UTRN: variants seen among roughly 807,000 people sequenced by gnomAD.
UTRN encodes the protein utrophin, also known as dystrophin-related protein 1.
A neutral mutation model predicts 463.9 loss-of-function variants in UTRN; 283 were observed. That is an observed-to-expected ratio of 0.61 (90% CI 0.55 to 0.67). The LOEUF is 0.67. Ranked by LOEUF, UTRN falls within the 30% of genes least tolerant of loss-of-function variation. The pLI is 0.00. For synonymous variants in UTRN, 1,442 were observed against 1,431.5 expected (o/e 1.01, Z -0.17); for missense variants, 3,922 against 4,084.3 (o/e 0.96, Z 1.08).
At chr6:144,453,908 G>A (rs1414756081) in intron 19 of UTRN, 39 bp downstream of exon 19, 1 of 1,561,656 alleles carries the variant, frequency 6.4e-7, no homozygotes. Context: ...TTTTTCAGAT[G>A]GTGGCATCGA....
intron 65 of UTRN, among the ~76,000 whole-genome samples, chr6:144,805,359 G>A (rs1007820677): frequency 2.0e-5 from 3 of 152,200 alleles, no homozygotes; most frequent in African/African-American, 2.4e-5. Flanking sequence ...AATGGATAAT[G>A]AGATAGAATG....
At chr6:144,680,313 G>T (rs2128684917) in intron 52 of UTRN, among the ~76,000 whole-genome samples, 1 of 152,192 alleles carries the variant, frequency 6.6e-6, no homozygotes, top group Non-Finnish European at 1.5e-5. Flanking sequence ...GGGAGTTATT[G>T]CCTAAGCCTA....
At position 144,453,750 on chromosome 6, in the gene UTRN, G is replaced by T. The variant is rs377670913; in HGVS notation, c.2197-32G>T. On this transcript the variant is annotated intron_variant, in intron 18 of 74. Coordinates refer to ENST00000367545, the MANE Select transcript of UTRN (RefSeq NM_007124.3). ...CAACATTATATTGAGAAGAAAGTTTGCAATATTCTTATGTTGGGACTTCAT... is the reference window on the plus strand; with the variant it reads ...CAACATTATATTGAGAAGAAAGTTTTCAATATTCTTATGTTGGGACTTCAT... 22 of 1,578,838 alleles carry T rather than the reference G, an allele frequency of 1.4e-5. No individual in the cohort carries two copies. In the East Asian group the frequency reaches 4.7e-4, roughly 34 times the overall value.
chr6:144,561,183 G>T (rs1315506030), intron 50 of UTRN, among the ~76,000 whole-genome samples: 2 of 114,668 alleles, frequency 1.7e-5, no homozygotes, highest in African/African-American at 6.4e-5. Flanking sequence ...ATATATTTTG[G>T]CACTCCAGGG....
intron 53 of UTRN, among the ~76,000 whole-genome samples, chr6:144,712,639 A>G (rs1785855619): frequency 6.6e-6 from 1 of 152,168 alleles, no homozygotes; most frequent in Non-Finnish European, 1.5e-5. Context: ...TTGTAAGACT[A>G]TTTTTGCAAT....
chr6:144,357,223 C>T lies in UTRN; in HGVS notation c.80-45900C>T, dbSNP rs922815738. Among the ~76,000 whole-genome samples, 5 of 152,256 alleles carry T rather than the reference C, an allele frequency of 3.3e-5. No individual in the cohort carries two copies. The South Asian group carries it at 1.0e-3, about 32-fold the overall frequency. Reference sequence around the variant, plus strand: ...ATAGCCTGCTTTTAGTTGATAGTGGCTCAGCAAGGGTAGGAGCCTGTACTT... The same window carrying T: ...ATAGCCTGCTTTTAGTTGATAGTGGTTCAGCAAGGGTAGGAGCCTGTACTT... On this transcript the variant is annotated intron_variant, in intron 2 of 74. Coordinates refer to ENST00000367545, the MANE Select transcript of UTRN (RefSeq NM_007124.3).
chr6:144,449,838 AC>A (rs1788075475), intron 17 of UTRN, among the ~76,000 whole-genome samples: 1 of 152,052 alleles, frequency 6.6e-6, no homozygotes, highest in African/African-American at 2.4e-5. Context: ...TCCCAGCCTC[AC>A]CCTTTGTTAG....
intron 58 of UTRN, among the ~76,000 whole-genome samples, chr6:144,759,008 T>C (rs2128726753): frequency 6.6e-6 from 1 of 152,222 alleles, no homozygotes; most frequent in South Asian, 2.1e-4. Flanking sequence ...CCTGAAAACG[T>C]TGTGTGAAGT....
chr6:144,484,782 C>T (rs1397928852), intron 27 of UTRN, among the ~76,000 whole-genome samples: 1 of 152,002 alleles, frequency 6.6e-6, no homozygotes, highest in African/African-American at 2.4e-5. Flanking sequence ...TCCTGTTTTT[C>T]TTACTAATTA....
At chr6:144,487,832 G>T in intron 29 of UTRN, 135 bp downstream of exon 29, 2 of 732,762 alleles carry the variant, frequency 2.7e-6, no homozygotes, top group Non-Finnish European at 4.2e-6. Flanking sequence ...GCTAACAGGG[G>T]CATTGAGGGT....
intron 66 of UTRN, among the ~76,000 whole-genome samples, chr6:144,824,472 A>ATACACATATACAATAAATATGTATATATT (rs1554407831): frequency 1.6e-5 from 1 of 63,886 alleles, no homozygotes; most frequent in Non-Finnish European, 2.4e-5. Flanking sequence ...ATGTATATAT[A>ATACACATATACAATAAATATGTATATATT]GTATATATAC....
chr6:144,821,629 A>T (rs1478097906), intron 66 of UTRN, among the ~76,000 whole-genome samples: 2 of 152,124 alleles, frequency 1.3e-5, no homozygotes, highest in Non-Finnish European at 2.9e-5. Context: ...AAGTTTCAAG[A>T]TGGTGAAATT....
intron 13 of UTRN, among the ~76,000 whole-genome samples, chr6:144,443,974 G>T (rs926984362): frequency 6.6e-6 from 1 of 151,956 alleles, no homozygotes; most frequent in South Asian, 2.1e-4. Context: ...ATGTAAAAAT[G>T]TCATATTCTC....
chr6:144,316,171 G>A (rs1320592365), intron 2 of UTRN, among the ~76,000 whole-genome samples: 1 of 152,152 alleles, frequency 6.6e-6, no homozygotes, highest in Non-Finnish European at 1.5e-5. Flanking sequence ...GAAACACAGT[G>A]AGACCCTGTC....
At chr6:144,617,604 CTG>C (rs1412558325) in intron 51 of UTRN, among the ~76,000 whole-genome samples, 1 of 152,188 alleles carries the variant, frequency 6.6e-6, no homozygotes, top group African/African-American at 2.4e-5. Flanking sequence ...TGTTGATGAA[CTG>C]CAGGAGATTG....
chr6:144,849,643 G>A (rs541683008), intron 74 of UTRN, among the ~76,000 whole-genome samples: 9 of 151,828 alleles, frequency 5.9e-5, no homozygotes, highest in South Asian at 2.1e-4. Context: ...GTCTTGGGTC[G>A]AATGGAAATT....
chr6:144,503,785 G>A (rs1030128184), intron 34 of UTRN, among the ~76,000 whole-genome samples: 1 of 152,150 alleles, frequency 6.6e-6, no homozygotes, highest in African/African-American at 2.4e-5. Flanking sequence ...TGTGAAGAAA[G>A]TCAATGGTAG....
chr6:144,594,208 A>G (rs1165346975), intron 51 of UTRN, among the ~76,000 whole-genome samples: 1 of 152,232 alleles, frequency 6.6e-6, no homozygotes, highest in African/African-American at 2.4e-5. Flanking sequence ...TCCTTATTTT[A>G]TAAATAGGGA....
At chr6:144,444,882 C>T (rs1787509213) in intron 14 of UTRN, among the ~76,000 whole-genome samples, 1 of 152,054 alleles carries the variant, frequency 6.6e-6, no homozygotes, top group African/African-American at 2.4e-5. Context: ...ATATTTTTTC[C>T]ACTAAGTGTT....
Sources: allele counts gnomAD v4.1 joint callset (sites outside exome capture counted in the v4.1 genomes callset), GRCh38; gene constraint gnomAD v4.1.1; transcripts MANE v1.5; gene names NCBI Gene and HGNC (gene_info 2026-07-23, HGNC 2026-07-21).